Variants in SLCO3A1 observed in about 807,000 individuals in gnomAD.
SLCO3A1 encodes solute carrier organic anion transporter family member 3A1.
A neutral mutation model predicts 63.1 loss-of-function variants in SLCO3A1; 27 were observed. The observed-to-expected ratio is 0.43, with a 90% CI of 0.32 to 0.59. The LOEUF is 0.59. Among genes scored for constraint, SLCO3A1 ranks in the 20% least tolerant of loss-of-function variants. SLCO3A1 has a pLI of 0.09. For missense variants in SLCO3A1, 773 were observed against 945.8 expected (o/e 0.82, Z 2.40); for synonymous variants, 473 against 409.9 (o/e 1.15, Z -1.86).
At chr15:92,071,225 G>A (rs2047212128) in intron 2 of SLCO3A1, among the ~76,000 whole-genome samples, 1 of 152,162 alleles carries the variant, frequency 6.6e-6, no homozygotes, top group Non-Finnish European at 1.5e-5. Context: ...GGAGCGGTTG[G>A]GTGCTGCATG....
At chr15:92,170,492 C>T (rs200112162), downstream of SLCO3A1, among the ~76,000 whole-genome samples, 1 of 152,186 alleles carries the variant, frequency 6.6e-6, no homozygotes, top group East Asian at 1.9e-4. Flanking sequence ...TCTAAGATCA[C>T]ATAGCTAGTT....
chr15:91,867,146 C>T (rs982765591), intron 1 of SLCO3A1, among the ~76,000 whole-genome samples: 6 of 152,240 alleles, frequency 3.9e-5, no homozygotes, highest in African/African-American at 1.4e-4. Flanking sequence ...GTCGGCATCT[C>T]TCTCGGCCAA....
At chr15:91,980,506 A>G (rs1396033991) in intron 2 of SLCO3A1, among the ~76,000 whole-genome samples, 2 of 151,516 alleles carry the variant, frequency 1.3e-5, no homozygotes, top group East Asian at 2.0e-4. Context: ...CTGGCCAGGG[A>G]TGAAGCTTTA....
At chr15:92,143,858 G>A (rs1596141724) in intron 7 of SLCO3A1, among the ~76,000 whole-genome samples, 1 of 152,148 alleles carries the variant, frequency 6.6e-6, no homozygotes, top group East Asian at 1.9e-4. Flanking sequence ...ACAGGTGGGT[G>A]AGTCAGAGCT....
intron 3 of SLCO3A1, 76 bp from the exon 4 acceptor site, chr15:92,104,203 G>A (rs948636911): frequency 1.6e-5 from 24 of 1,531,544 alleles, no homozygotes; most frequent in Non-Finnish European, 1.9e-5. Context: ...TCTGTTCAGC[G>A]GATTCAGATT....
intron 2 of SLCO3A1, among the ~76,000 whole-genome samples, chr15:92,070,332 CA>C (rs1375986074): frequency 1.3e-5 from 2 of 152,322 alleles, no homozygotes; most frequent in East Asian, 3.9e-4. Context: ...TTTCATCTTT[CA>C]AAAACATGTC....
intron 7 of SLCO3A1, among the ~76,000 whole-genome samples, chr15:92,141,927 G>A (rs2048138503): frequency 6.6e-6 from 1 of 152,150 alleles, no homozygotes; most frequent in Non-Finnish European, 1.5e-5. Context: ...GAGGTTGCAG[G>A]GCTGCCCCAG....
intron 4 of SLCO3A1, among the ~76,000 whole-genome samples, chr15:92,111,095 C>A (rs994166885): frequency 2.0e-5 from 3 of 152,274 alleles, no homozygotes; most frequent in African/African-American, 7.2e-5. Context: ...AGCACATTCA[C>A]CCCCGCCCCA....
At chr15:92,021,995 A>G (rs1439455036) in intron 2 of SLCO3A1, among the ~76,000 whole-genome samples, 1 of 152,224 alleles carries the variant, frequency 6.6e-6, no homozygotes, top group Admixed American at 6.5e-5. Flanking sequence ...GGCAAAGCCA[A>G]TACATTTTAT....
chr15:92,126,544 G>A (rs1274193418), intron 6 of SLCO3A1, among the ~76,000 whole-genome samples: 1 of 152,162 alleles, frequency 6.6e-6, no homozygotes, highest in Non-Finnish European at 1.5e-5. Context: ...GGAAAAATGT[G>A]AAGAGAGAAA....
chr15:92,020,167 T>C (rs1235244418), intron 2 of SLCO3A1, among the ~76,000 whole-genome samples: 2 of 152,164 alleles, frequency 1.3e-5, no homozygotes, highest in Non-Finnish European at 2.9e-5. Context: ...AGTAGACTTG[T>C]AGCTTCAGTG....
chr15:91,990,485 C>T (rs2046112335), intron 2 of SLCO3A1, among the ~76,000 whole-genome samples: 2 of 152,070 alleles, frequency 1.3e-5, no homozygotes, highest in Admixed American at 1.3e-4. Context: ...TTCATTTCAT[C>T]TCTCTTCCTC....
intron 2 of SLCO3A1, among the ~76,000 whole-genome samples, chr15:92,036,919 G>A (rs2046734868): frequency 6.6e-6 from 1 of 152,164 alleles, no homozygotes; most frequent in Admixed American, 6.5e-5. Flanking sequence ...TGATTTGGAA[G>A]TCCTGGTTCC....
At chr15:92,053,341 A>G (rs1315130300) in intron 2 of SLCO3A1, among the ~76,000 whole-genome samples, 2 of 152,240 alleles carry the variant, frequency 1.3e-5, no homozygotes, top group African/African-American at 4.8e-5. Context: ...AGGATAGCAC[A>G]GAGAGTTCCC....
intron 2 of SLCO3A1, among the ~76,000 whole-genome samples, chr15:92,058,019 A>C (rs930642847): frequency 1.3e-5 from 2 of 152,184 alleles, no homozygotes; most frequent in Non-Finnish European, 2.9e-5. Flanking sequence ...AGGAAACAAG[A>C]AGCAGAGAAG....
Position 91,916,272 on chromosome 15 carries a change from G to C in SLCO3A1, c.460G>C (p.Gly154Arg), listed in dbSNP as rs759337724. 6.5e-7 allele frequency: 1 copy of C among 1,550,328 alleles called. No homozygotes were observed. Among genetic ancestry groups the C allele is most frequent in the Middle Eastern group, 1.7e-4 (1 of 5,998 alleles). Residue 154 changes from glycine (G) to arginine (R), a missense_variant, in exon 2 of 10, where the codon GGC becomes CGC. This residue lies in a region of SLCO3A1 where 565 missense variants were observed against 749.8 expected (regional missense o/e 0.75). Transcript: ENST00000318445. The surrounding 1 kb of genome is among the most constrained non-coding windows in gnomAD (Gnocchi z 6.2). ...AEGRDVCAAN[G>R]SGGDEGPDPD... The stretch of plus-strand genomic sequence containing the variant: ...GGGCCGCGACGTCTGCGCAGCCAAC[G>C]GCTCGGGCGGCGACGAGGGGCCCGA...
chr15:91,992,461 T>G (rs2046138645), intron 2 of SLCO3A1, among the ~76,000 whole-genome samples: 1 of 152,214 alleles, frequency 6.6e-6, no homozygotes, highest in Non-Finnish European at 1.5e-5. Flanking sequence ...TTTGTGTGTT[T>G]CCTTACTACT....
chr15:92,144,481 A>G (rs1339863171), intron 7 of SLCO3A1, among the ~76,000 whole-genome samples: 2 of 152,224 alleles, frequency 1.3e-5, no homozygotes, highest in Non-Finnish European at 2.9e-5. Context: ...TCATTCCTTT[A>G]TCTCTGGTAC....
At position 92,162,892 on chromosome 15, in the gene SLCO3A1, C is replaced by T; in HGVS notation, c.1890C>T (p.Ala630=). 1 of 1,614,222 alleles carries T rather than the reference C, an allele frequency of 6.2e-7. No individual in the cohort carries two copies. Among genetic ancestry groups the T allele is most frequent in the Non-Finnish European group, 8.5e-7 (1 of 1,180,044 alleles). ...VVYRYLYVSI[A]IALKSFAFIL... is the part of the protein sequence containing the mutation. ...ACCGATACCTGTATGTCAGCATCGC[C>T]ATCGCGCTCAAATCCTTCGCCTTCA... The change falls in exon 10 of 10, where the codon GCC becomes GCT. Residue 630 remains alanine (A), a synonymous_variant. Coordinates refer to ENST00000318445, the MANE Select transcript of SLCO3A1 (RefSeq NM_013272.4).
Sources: gnomAD v4.1 joint callset for allele counts (sites outside exome capture counted in the v4.1 genomes callset) on GRCh38, gnomAD v4.1.1 for gene constraint, gnomAD v4.1.1 regional missense constraint, Gnocchi (gnomAD v3.1) non-coding constraint, MANE v1.5 for transcripts, NCBI Gene and HGNC (gene_info 2026-07-23, HGNC 2026-07-21) for gene names.